ARHGAP42: variants seen among roughly 807,000 people sequenced by gnomAD.
ARHGAP42 encodes the protein Rho GTPase activating protein 42.
In ARHGAP42, 63 loss-of-function variants were observed where a neutral mutation model predicts 125.0. That is an observed-to-expected ratio of 0.50 (90% CI 0.41 to 0.62). The LOEUF is 0.62. Among genes scored for constraint, ARHGAP42 ranks in the 20% least tolerant of loss-of-function variants. The pLI is 0.00. For synonymous variants in ARHGAP42, 339 were observed against 351.0 expected, an observed-to-expected ratio of 0.97 and a Z score of 0.38; for missense variants, 766 against 1,024.2, an observed-to-expected ratio of 0.75 and a Z score of 3.44.
At chr11:100,902,840 G>A (rs1473082556) in intron 4 of ARHGAP42, among the ~76,000 whole-genome samples, 1 of 152,142 alleles carries the variant, frequency 6.6e-6, no homozygotes, top group East Asian at 1.9e-4. Context: ...AGAGGGACCA[G>A]GTGACACTGA....
intron 2 of ARHGAP42, among the ~76,000 whole-genome samples, chr11:100,782,532 A>G (rs1358637441): frequency 6.6e-6 from 1 of 152,226 alleles, no homozygotes; most frequent in Non-Finnish European, 1.5e-5. Context: ...ATGAGCAAGG[A>G]AGAAGACATT....
chr11:100,773,324 A>G (rs1263577636), intron 2 of ARHGAP42, among the ~76,000 whole-genome samples: 5 of 152,214 alleles, frequency 3.3e-5, no homozygotes, highest in African/African-American at 1.2e-4. Flanking sequence ...TTTTTCTAAT[A>G]CAATGATATA....
chr11:100,799,553 T>G (rs1863802722), intron 3 of ARHGAP42, among the ~76,000 whole-genome samples: 2 of 152,178 alleles, frequency 1.3e-5, no homozygotes, highest in African/African-American at 4.8e-5. Flanking sequence ...AACAAGAGCC[T>G]CTGATGACAG....
chr11:100,843,581 A>T (rs1210591699), intron 3 of ARHGAP42, among the ~76,000 whole-genome samples: 1 of 152,130 alleles, frequency 6.6e-6, no homozygotes, highest in Admixed American at 6.6e-5. Context: ...AAACTCCTAG[A>T]ACTGATAAAA....
chr11:100,801,293 A>G (rs1423451964), intron 3 of ARHGAP42, among the ~76,000 whole-genome samples: 1 of 152,190 alleles, frequency 6.6e-6, no homozygotes, highest in African/African-American at 2.4e-5. Context: ...TAAAGGGACT[A>G]TATAATTAAT....
chr11:100,864,627 T>C (rs960333023), intron 4 of ARHGAP42, among the ~76,000 whole-genome samples: 2 of 152,176 alleles, frequency 1.3e-5, no homozygotes, highest in Non-Finnish European at 2.9e-5. Flanking sequence ...CATATAGATG[T>C]GTATTATACA....
In ARHGAP42 at chr11:100,933,394, T is replaced by G. The variant is rs1369789793; in HGVS notation, c.702+134T>G. ...AAACCCTAATCTTAGTTAGAAAAAT[T>G]TATACTAGCAAATTTTATAAAAATA... On this transcript the variant is annotated intron_variant, in intron 7 of 23. Transcript: ENST00000298815. The G allele has an allele frequency of 7.7e-6, 4 of 516,670 alleles. No homozygotes were observed. In the East Asian group the frequency reaches 1.0e-4, roughly 13 times the overall value. The allele number at this position is 516,670 out of a possible 1,614,324, so 32.0% of individuals were successfully genotyped here.
At chr11:100,904,530 A>T (rs1202513317) in intron 4 of ARHGAP42, among the ~76,000 whole-genome samples, 1 of 152,136 alleles carries the variant, frequency 6.6e-6, no homozygotes, top group Non-Finnish European at 1.5e-5. Context: ...TATAGGCATG[A>T]GCCACCATGC....
chr11:100,970,332 C>T (rs1858206382), intron 17 of ARHGAP42, among the ~76,000 whole-genome samples: 1 of 152,008 alleles, frequency 6.6e-6, no homozygotes, highest in Non-Finnish European at 1.5e-5. Flanking sequence ...AGTCTATTTC[C>T]CCCTCTGTGT....
chr11:100,726,579 G>C (rs1439096446), intron 1 of ARHGAP42, among the ~76,000 whole-genome samples: 1 of 152,126 alleles, frequency 6.6e-6, no homozygotes, highest in Non-Finnish European at 1.5e-5. Context: ...AATTTCAAAG[G>C]ACGAAAACTT....
At position 100,903,117 on chromosome 11, in the gene ARHGAP42, G is replaced by GCACACACACACACACACACACACACA. The variant is rs1555021069; in HGVS notation, c.385-10321_385-10296dup. 5.3e-5 allele frequency among the ~76,000 whole-genome samples: 7 copies of GCACACACACACACACACACACACACA among 131,942 alleles called. 1 individual carries two copies. Among genetic ancestry groups the GCACACACACACACACACACACACACA allele is most frequent in the Admixed American group, 1.6e-4 (2 of 12,542 alleles). 86.6% of individuals were successfully genotyped at this position (131,942 alleles called of 152,430 possible). A position where few individuals can be genotyped will look rare whatever the true frequency, so the allele number is the denominator to read the frequency against. On this transcript the variant is annotated intron_variant, in intron 4 of 23. Coordinates refer to ENST00000298815, the MANE Select transcript of ARHGAP42 (RefSeq NM_152432.4). ...TCCTCAATCTTGCTGTCCAAGATGC[G>GCACACACACACACACACACACACACA]CACACACACACACACACACACACAC...
At chr11:100,745,533 A>G (rs1245743313) in intron 1 of ARHGAP42, among the ~76,000 whole-genome samples, 1 of 152,128 alleles carries the variant, frequency 6.6e-6, no homozygotes, top group Admixed American at 6.5e-5. Context: ...CATTTACTGA[A>G]CCACTTTTCT....
At chr11:100,723,351 C>T (rs1193162227) in intron 1 of ARHGAP42, among the ~76,000 whole-genome samples, 1 of 152,178 alleles carries the variant, frequency 6.6e-6, no homozygotes, top group East Asian at 1.9e-4. Flanking sequence ...TGCATTCAAT[C>T]TATAGATCAA....
At chr11:100,704,392 A>C (rs1861445469) in intron 1 of ARHGAP42, among the ~76,000 whole-genome samples, 1 of 152,146 alleles carries the variant, frequency 6.6e-6, no homozygotes, top group South Asian at 2.1e-4. Flanking sequence ...CCAGCCTCGG[A>C]GGTTAAAGAA....
At chr11:100,691,649 G>A (rs1861193513) in intron 1 of ARHGAP42, among the ~76,000 whole-genome samples, 1 of 152,092 alleles carries the variant, frequency 6.6e-6, no homozygotes, top group African/African-American at 2.4e-5. Context: ...CCCAGTAGCT[G>A]GGACCATAGG....
At chr11:100,934,038 C>T (rs1025231057) in intron 7 of ARHGAP42, among the ~76,000 whole-genome samples, 6 of 152,284 alleles carry the variant, frequency 3.9e-5, no homozygotes, top group East Asian at 3.9e-4. Flanking sequence ...CCACCCGCCA[C>T]GGCCTCCCAA....
intron 3 of ARHGAP42, among the ~76,000 whole-genome samples, chr11:100,803,178 C>A (rs769476816): frequency 5.3e-5 from 8 of 150,422 alleles, no homozygotes; most frequent in Non-Finnish European, 8.8e-5. Context: ...GAGTTAGAGA[C>A]CAGCATGGGC....
chr11:100,863,905 A>G (rs772708836), intron 4 of ARHGAP42, among the ~76,000 whole-genome samples: 1 of 152,230 alleles, frequency 6.6e-6, no homozygotes, highest in Non-Finnish European at 1.5e-5. Context: ...AATTTCCACT[A>G]TAGGAATATA....
chr11:100,876,037 C>T (rs535228494), intron 4 of ARHGAP42, among the ~76,000 whole-genome samples: 1 of 152,086 alleles, frequency 6.6e-6, no homozygotes, highest in Non-Finnish European at 1.5e-5. Flanking sequence ...AAAAAATTTG[C>T]TCACCACTCA....
Sources: gnomAD v4.1 joint callset for allele counts (sites outside exome capture counted in the v4.1 genomes callset) on GRCh38, gnomAD v4.1.1 for gene constraint, MANE v1.5 for transcripts, NCBI Gene and HGNC (gene_info 2026-07-23, HGNC 2026-07-21) for gene names.